GGA2: variants seen among roughly 807,000 people sequenced by gnomAD.
GGA2 encodes the protein golgi associated, gamma adaptin ear containing, ARF binding protein 2, also known as ADP-ribosylation factor-binding protein GGA2.
A neutral mutation model predicts 79.5 loss-of-function variants in GGA2; 48 were observed. That is an observed-to-expected ratio of 0.60 (90% CI 0.48 to 0.77). GGA2 has a LOEUF of 0.77. Ranked by LOEUF, GGA2 falls within the 30% of genes least tolerant of loss-of-function variation. GGA2 has a pLI of 0.00. For synonymous variants in GGA2, 317 were observed against 302.0 expected, an observed-to-expected ratio of 1.05 and a Z score of -0.51; for missense variants, 770 against 774.0, an observed-to-expected ratio of 0.99 and a Z score of 0.06.
At chr16:23,509,926 C>T (rs1965017119) in intron 1 of GGA2, among the ~76,000 whole-genome samples, 1 of 151,940 alleles carries the variant, frequency 6.6e-6, no homozygotes, top group African/African-American at 2.4e-5. Context: ...CTCAAGGTCC[C>T]CGCTTCCGTA....
intron 14 of GGA2, among the ~76,000 whole-genome samples, chr16:23,473,400 G>A (rs1386666132): frequency 2.4e-5 from 3 of 126,010 alleles, no homozygotes; most frequent in African/African-American, 6.0e-5. Flanking sequence ...GCAGTGGCAC[G>A]ATCTCAGCTC....
intron 10 of GGA2, 110 bp downstream of exon 10, chr16:23,480,535 G>C: frequency 1.1e-6 from 1 of 918,140 alleles, no homozygotes; most frequent in Admixed American, 2.4e-5. Flanking sequence ...CAAAGGGCGA[G>C]TTCTCTCATT....
intron 8 of GGA2, 74 bp from the exon 9 acceptor site, chr16:23,483,078 C>T (rs899248646): frequency 5.5e-6 from 5 of 917,146 alleles, no homozygotes; most frequent in Non-Finnish European, 9.0e-6. Flanking sequence ...CCCCAGGAGC[C>T]TTCGATCAGG....
chr16:23,491,267 A>T (rs1226011283), intron 5 of GGA2, among the ~76,000 whole-genome samples: 1 of 142,830 alleles, frequency 7.0e-6, no homozygotes, highest in African/African-American at 2.6e-5. Context: ...TGACTGCACC[A>T]CTGTGCTCCA....
intron 2 of GGA2, chr16:23,519,544 T>C (rs780526587): frequency 2.6e-5 from 10 of 385,508 alleles, no homozygotes; most frequent in African/African-American, 1.3e-4. Flanking sequence ...ATGTGGAATA[T>C]TGGTTATTTA....
At chr16:23,469,275 T>C (rs891954596) in intron 15 of GGA2, 5 of 351,220 alleles carry the variant, frequency 1.4e-5, no homozygotes, top group African/African-American at 8.1e-5. Flanking sequence ...AGGGCACATC[T>C]TGGGTTGAAT....
chr16:23,469,419 A>T (rs560381351), intron 15 of GGA2: 1 of 170,160 alleles, frequency 5.9e-6, no homozygotes, highest in South Asian at 1.5e-4. Context: ...ACTGCAGGTC[A>T]TATTTTTGTC....
chr16:23,513,891 T>C (rs549349202), upstream of GGA2, among the ~76,000 whole-genome samples: 15 of 152,066 alleles, frequency 9.9e-5, no homozygotes, highest in Non-Finnish European at 2.1e-4. Flanking sequence ...CCCTTATTCC[T>C]GCCCTATACC....
chr16:23,520,457 G>C (rs1312697216), intron 1 of GGA2, among the ~76,000 whole-genome samples: 1 of 151,892 alleles, frequency 6.6e-6, no homozygotes, highest in Non-Finnish European at 1.5e-5. Context: ...AAACACTGGG[G>C]ATGGGCTTGA....
chr16:23,512,265 C>T (rs1232624410), upstream of GGA2, among the ~76,000 whole-genome samples: 1 of 152,168 alleles, frequency 6.6e-6, no homozygotes, highest in African/African-American at 2.4e-5. Context: ...AACTAGCACC[C>T]TTCCCCTAGC....
At chr16:23,479,929 AG>A in intron 10 of GGA2, 42 bp from the exon 11 acceptor site, 1 of 1,606,418 alleles carries the variant, frequency 6.2e-7, no homozygotes, top group South Asian at 1.1e-5. Context: ...GTTGGACATG[AG>A]AGCAAAGTCT....
chr16:23,488,810 G>T, intron 5 of GGA2, 101 bp from the exon 6 acceptor site: 1 of 680,118 alleles, frequency 1.5e-6, no homozygotes, highest in Non-Finnish European at 2.6e-6. Flanking sequence ...CTAATACCAT[G>T]CTAGCAAAGC....
chr16:23,502,765 T>C (rs1964933809), intron 1 of GGA2, among the ~76,000 whole-genome samples: 1 of 152,240 alleles, frequency 6.6e-6, no homozygotes, highest in East Asian at 1.9e-4. Flanking sequence ...ATGGGAATCC[T>C]ATGGTGCACA....
chr16:23,513,801 G>GAAAAAAAAAAAAAAAAAAAA, upstream of GGA2, among the ~76,000 whole-genome samples: 1 of 38,196 alleles, frequency 2.6e-5, no homozygotes, highest in Non-Finnish European at 5.2e-5. Context: ...AAAAAAAAAA[G>GAAAAAAAAAAAAAAAAAAAA]AAAGAAAAAA....
In GGA2 at chr16:23,478,382, T is replaced by C. The variant is rs1211677659; in HGVS notation, c.1278A>G (p.Pro426=). The C allele has an allele frequency of 6.2e-7, 1 of 1,601,636 alleles. No homozygotes were observed. Among genetic ancestry groups the C allele is most frequent in the Non-Finnish European group, 8.5e-7 (1 of 1,172,508 alleles). Residue 426 remains proline, a synonymous_variant, in exon 13 of 17, where the codon CCA becomes CCG. Transcript: ENST00000309859. ...RNLLDLLSAQ[P]APCPLNYVSQ... is the part of the protein sequence containing the mutation. ...AGAAGACTCACAGAGGGCACGGAGC[T>C]GGCTGTGCTGAGAGGAGGTCCAGCA...
chr16:23,509,708 A>C lies in GGA2; in HGVS notation c.91+613T>G, dbSNP rs1308792683. On this transcript the variant is annotated intron_variant, in intron 1 of 16. Transcript: ENST00000309859. ...GGTTTGAGCCCAACCAGGGTAACAT[A>C]ATGAGACCCCGTCTCTTAAAGGAAA... Among the ~76,000 whole-genome samples the C allele has an allele frequency of 2.6e-5, 4 of 151,574 alleles. 1 individual carries two copies. Among genetic ancestry groups the C allele is most frequent in the African/African-American group, 9.7e-5 (4 of 41,336 alleles).
At chr16:23,510,779 T>C (rs1473915698), upstream of GGA2, among the ~76,000 whole-genome samples, 1 of 152,246 alleles carries the variant, frequency 6.6e-6, no homozygotes, top group African/African-American at 2.4e-5. Context: ...CGATCACGGC[T>C]CACTGCAGCC....
rs1402933003 is a variant in GGA2, at chr16:23,478,435, C to T, written c.1225G>A (p.Val409Ile). The T allele has an allele frequency of 2.5e-6, 4 of 1,611,992 alleles. No individual in the cohort carries two copies. In the South Asian group the frequency reaches 3.3e-5, roughly 13 times the overall value. The change falls in exon 13 of 17, where the codon GTT becomes ATT. Residue 409 changes from valine to isoleucine, a missense_variant. By Grantham distance (29) the Val-to-Ile change is conservative (BLOSUM62 3). Transcript: ENST00000309859. ...PSSSTLPGGG[V>I]QNPSADRNLL... ...TTCCTGTCTGCAGAAGGGTTCTGAA[C>T]ACCACCGCCTGGCAGCGTGCTGGAG...
intron 14 of GGA2, among the ~76,000 whole-genome samples, chr16:23,471,915 A>C (rs2142113905): frequency 6.6e-6 from 1 of 152,312 alleles, no homozygotes; most frequent in Middle Eastern, 3.4e-3. Flanking sequence ...TCTCTAAAAA[A>C]ATTTAAAAAA....
Sources: allele counts gnomAD v4.1 joint callset (sites outside exome capture counted in the v4.1 genomes callset), GRCh38; gene constraint gnomAD v4.1.1; transcripts MANE v1.5; gene names NCBI Gene and HGNC (gene_info 2026-07-23, HGNC 2026-07-21).